The following CRADD variants were observed in gnomAD, a reference collection of about 807,000 sequenced individuals.
CRADD encodes CARD and death domain containing adaptor protein, also known as death domain-containing protein CRADD.
CRADD carries 9 observed loss-of-function variants against 15.5 expected under a neutral mutation model. That is an observed-to-expected ratio of 0.58 (90% CI 0.35 to 1.01). The LOEUF (loss-of-function observed/expected upper bound fraction) is 1.01, where lower values mean the gene tolerates loss of function less well. Among genes scored for constraint, CRADD ranks in the 50% least tolerant of loss-of-function variants. CRADD has a pLI of 0.02. For synonymous variants in CRADD, 118 were observed against 107.6 expected (o/e 1.10, Z -0.60); for missense variants, 227 against 250.3 (o/e 0.91, Z 0.63).
chr12:93,878,175 A>T (rs1958470800), intron 2 of CRADD, among the ~76,000 whole-genome samples: 1 of 152,274 alleles, frequency 6.6e-6, no homozygotes, highest in Non-Finnish European at 1.5e-5. Flanking sequence ...ATTCTCCCAG[A>T]TTTTGTCCAA....
intron 2 of CRADD, among the ~76,000 whole-genome samples, chr12:93,751,142 A>G (rs1956824606): frequency 6.6e-6 from 1 of 152,208 alleles, no homozygotes; most frequent in South Asian, 2.1e-4. Context: ...TATGAACATA[A>G]TTATAGAAAA....
intron 2 of CRADD, among the ~76,000 whole-genome samples, chr12:93,774,420 C>T (rs1467264366): frequency 6.6e-6 from 1 of 152,162 alleles, no homozygotes; most frequent in African/African-American, 2.4e-5. Flanking sequence ...CAAGATCATC[C>T]AGCTGTTTAG....
At chr12:93,681,952 G>A (rs2136790904) in intron 2 of CRADD, among the ~76,000 whole-genome samples, 1 of 152,248 alleles carries the variant, frequency 6.6e-6, no homozygotes. Flanking sequence ...GGAAGTAATG[G>A]AAGAAATTAT....
chr12:93,736,209 C>G (rs750268235), intron 2 of CRADD, among the ~76,000 whole-genome samples: 1 of 152,096 alleles, frequency 6.6e-6, no homozygotes, highest in Non-Finnish European at 1.5e-5. Flanking sequence ...AGCCTCAAAG[C>G]AGAATCATGG....
intron 2 of CRADD, among the ~76,000 whole-genome samples, chr12:93,734,428 A>C (rs1313046380): frequency 6.6e-6 from 1 of 152,192 alleles, no homozygotes; most frequent in East Asian, 1.9e-4. Flanking sequence ...AAAACCCATT[A>C]TTTTTTATTT....
chr12:93,781,515 T>C (rs763244998), intron 2 of CRADD, among the ~76,000 whole-genome samples: 14 of 152,182 alleles, frequency 9.2e-5, no homozygotes, highest in Non-Finnish European at 1.5e-4. Context: ...CAGGTAAAAT[T>C]GGTGCTTTCT....
At chr12:93,790,405 T>C (rs1957334884) in intron 2 of CRADD, among the ~76,000 whole-genome samples, 1 of 152,014 alleles carries the variant, frequency 6.6e-6, no homozygotes, top group South Asian at 2.1e-4. Context: ...GGCACATGTA[T>C]ACATATGTAA....
At chr12:93,692,075 A>G (rs554366074) in intron 2 of CRADD, among the ~76,000 whole-genome samples, 160 of 152,238 alleles carry the variant, frequency 1.1e-3, no homozygotes, top group African/African-American at 3.7e-3. Context: ...TGGAGCCGAA[A>G]TAAAAATTAA....
chr12:93,849,912 C>T (rs1447718325), intron 2 of CRADD, 58 bp from the exon 3 acceptor site: 6 of 1,001,696 alleles, frequency 6.0e-6, no homozygotes, highest in Non-Finnish European at 7.9e-6. Context: ...CATTTCTGCC[C>T]CCAAATGATG....
At chr12:93,894,592 A>C (rs1487361669) in exon 3 of CRADD, 2 of 157,016 alleles carry the variant, frequency 1.3e-5, no homozygotes, top group Non-Finnish European at 2.8e-5. Context: ...CATGCGGTGC[A>C]TCAGCCGGAG....
At chr12:93,710,345 C>CTTTT (rs34912218) in intron 2 of CRADD, among the ~76,000 whole-genome samples, 2 of 128,290 alleles carry the variant, frequency 1.6e-5, no homozygotes, top group Non-Finnish European at 3.2e-5. Context: ...TTTCCTTTTC[C>CTTTT]TTTTTTTTTT....
In CRADD at chr12:93,746,839, A is replaced by G. The variant is rs1050866383; in HGVS notation, c.298+67767A>G. ...ATAATATTGTGCATGTACCAGTCAT[A>G]TAGCAGTGTGGTCTGGAGCAGGATC... On this transcript the variant is annotated intron_variant, in intron 2 of 2. Transcript: ENST00000332896. 2.0e-5 allele frequency among the ~76,000 whole-genome samples: 3 copies of G among 151,296 alleles called. No homozygotes were observed. The South Asian group carries it at 6.2e-4, about 32-fold the overall frequency.
rs536321820 is a variant in CRADD, at chr12:93,840,840, T to A, written c.299-9130T>A. On this transcript the variant is annotated intron_variant, in intron 2 of 2. Coordinates refer to ENST00000332896, the MANE Select transcript of CRADD (RefSeq NM_003805.5). ...CCTCGGCCTCCCAAAACTAATTTCT[T>A]TTCTTTATAGCACTGGTCAGGACGT... 6.6e-5 allele frequency among the ~76,000 whole-genome samples: 10 copies of A among 152,242 alleles called. No individual in the cohort carries two copies. The South Asian group carries it at 1.9e-3, about 28-fold the overall frequency.
At chr12:93,860,442 G>GT (rs1406981676) in intron 2 of CRADD, among the ~76,000 whole-genome samples, 1 of 152,188 alleles carries the variant, frequency 6.6e-6, no homozygotes, top group African/African-American at 2.4e-5. Flanking sequence ...AATATAGGTG[G>GT]TAGGGATATA....
At chr12:93,802,881 T>G (rs1050137933) in intron 2 of CRADD, among the ~76,000 whole-genome samples, 1 of 152,178 alleles carries the variant, frequency 6.6e-6, no homozygotes, top group African/African-American at 2.4e-5. Context: ...GGAGATAGCA[T>G]GTGTGCAAGT....
intron 2 of CRADD, among the ~76,000 whole-genome samples, chr12:93,762,778 A>G (rs1956981228): frequency 6.6e-6 from 1 of 151,738 alleles, no homozygotes; most frequent in African/African-American, 2.4e-5. Context: ...TTTTACATAT[A>G]TAGCATTTCT....
intron 2 of CRADD, among the ~76,000 whole-genome samples, chr12:93,792,025 A>T (rs1002063197): frequency 1.3e-5 from 2 of 151,678 alleles, no homozygotes; most frequent in African/African-American, 4.8e-5. Flanking sequence ...AGAGATTCTG[A>T]TAAGAACTTT....
intron 2 of CRADD, among the ~76,000 whole-genome samples, chr12:93,702,053 C>T (rs1212566025): frequency 1.3e-5 from 2 of 152,058 alleles, no homozygotes; most frequent in Admixed American, 6.5e-5. Context: ...GCTTCCCTAG[C>T]TCCCTCTCAC....
At chr12:93,861,367 C>G (rs1281569144) in intron 2 of CRADD, among the ~76,000 whole-genome samples, 1 of 152,212 alleles carries the variant, frequency 6.6e-6, no homozygotes. Context: ...GAGAGGGGCT[C>G]CAATCAAGAT....
Sources: gnomAD v4.1 joint callset for allele counts (sites outside exome capture counted in the v4.1 genomes callset) on GRCh38, gnomAD v4.1.1 for gene constraint, MANE v1.5 for transcripts, NCBI Gene and HGNC (gene_info 2026-07-23, HGNC 2026-07-21) for gene names.